The following SLC4A4 variants were observed in gnomAD, a reference collection of about 807,000 sequenced individuals.
SLC4A4 encodes solute carrier family 4 member 4.
Under a neutral mutation model 111.5 loss-of-function variants are expected in SLC4A4, and 27 were observed. The ratio of observed to expected loss-of-function variants is 0.24; its 90% CI spans 0.18 to 0.33. The LOEUF (loss-of-function observed/expected upper bound fraction) is 0.33. Among genes scored for constraint, SLC4A4 ranks in the 10% least tolerant of loss-of-function variants. SLC4A4 has a pLI of 1.00. For synonymous variants in SLC4A4, 443 were observed against 463.4 expected (o/e 0.96, Z 0.57); for missense variants, 909 against 1,315.5 (o/e 0.69, Z 4.78).
rs569920752 is a variant in SLC4A4 at position 71,365,487 on chromosome 4, G to C, written c.730+8300G>C. On this transcript the variant is annotated intron_variant, in intron 6 of 25. Transcript: ENST00000264485. Reference sequence around the variant, plus strand: ...AGGACAGGGAAAAGTAAGGAGAGAAGGGTAAGCAAGATAGAGACATAAAAT... The same window carrying C: ...AGGACAGGGAAAAGTAAGGAGAGAACGGTAAGCAAGATAGAGACATAAAAT... Among the ~76,000 whole-genome samples the C allele has an allele frequency of 7.2e-5, 11 of 152,284 alleles. No individual in the cohort carries two copies. In the South Asian group the frequency reaches 1.7e-3, roughly 23 times the overall value.
intron 1 of SLC4A4, among the ~76,000 whole-genome samples, chr4:71,194,566 G>GT (rs1745898364): frequency 6.6e-6 from 1 of 152,162 alleles, no homozygotes; most frequent in African/African-American, 2.4e-5. Context: ...AGAGCCAGCA[G>GT]TTTGAGATCA....
chr4:71,144,412 A>T (rs1744103816), intron 2 of SLC4A4, among the ~76,000 whole-genome samples: 3 of 152,090 alleles, frequency 2.0e-5, no homozygotes, highest in Admixed American at 1.3e-4. Flanking sequence ...TTGGCTTAGG[A>T]TTTACCTGGC....
At chr4:71,477,105 TG>T (rs1285847843) in intron 14 of SLC4A4, among the ~76,000 whole-genome samples, 5 of 151,772 alleles carry the variant, frequency 3.3e-5, no homozygotes, top group African/African-American at 4.8e-5. Flanking sequence ...GTAAATACTA[TG>T]TGCTTTAGAG....
At chr4:71,386,503 T>G (rs942330928) in intron 6 of SLC4A4, among the ~76,000 whole-genome samples, 3 of 152,102 alleles carry the variant, frequency 2.0e-5, no homozygotes, top group African/African-American at 7.2e-5. Flanking sequence ...TCTTATGTTT[T>G]CTGGCTCTTT....
intron 6 of SLC4A4, among the ~76,000 whole-genome samples, chr4:71,364,193 T>A (rs947139132): frequency 6.6e-6 from 1 of 152,218 alleles, no homozygotes; most frequent in Admixed American, 6.5e-5. Flanking sequence ...TTTAAAGACA[T>A]GGGACCATCA....
At chr4:71,418,263 T>C (rs1489746511) in intron 7 of SLC4A4, among the ~76,000 whole-genome samples, 1 of 152,194 alleles carries the variant, frequency 6.6e-6, no homozygotes, top group South Asian at 2.1e-4. Flanking sequence ...CGTGGTGAGA[T>C]ATATTTGGAA....
At chr4:71,350,151 T>TA in intron 5 of SLC4A4, 79 bp downstream of exon 5, 1 of 1,359,540 alleles carries the variant, frequency 7.4e-7, no homozygotes, top group Non-Finnish European at 1.1e-6. Context: ...AGATGACTAG[T>TA]ACTGTAAGCA....
intron 3 of SLC4A4, among the ~76,000 whole-genome samples, chr4:71,291,956 G>A (rs1724387270): frequency 6.6e-6 from 1 of 151,916 alleles, no homozygotes; most frequent in South Asian, 2.1e-4. Context: ...TTTTGATACA[G>A]GCATACAATG....
chr4:71,546,686 G>A (rs959204596), intron 19 of SLC4A4, among the ~76,000 whole-genome samples, 158 bp downstream of exon 19: 1 of 151,858 alleles, frequency 6.6e-6, no homozygotes, highest in African/African-American at 2.4e-5. Context: ...TTTCATCAGA[G>A]GTTTCAGTGA....
chr4:71,139,492 C>T (rs1207672469), intron 2 of SLC4A4, among the ~76,000 whole-genome samples: 2 of 152,106 alleles, frequency 1.3e-5, no homozygotes, highest in African/African-American at 4.8e-5. Context: ...AAGTAAGATG[C>T]TCATGTTGGA....
rs118116308 is a variant in SLC4A4, at chr4:71,383,543, T to G, written c.731-14034T>G. Among the ~76,000 whole-genome samples the G allele has an allele frequency of 2.6e-5, 4 of 152,304 alleles. 1 individual carries two copies. The East Asian group carries it at 7.7e-4, about 29-fold the overall frequency. On this transcript the variant is annotated intron_variant, in intron 6 of 25. Transcript: ENST00000264485. ...AACTCATTTTCTTAGACTAGAAAAT[T>G]ACAAATGGTGAGTATATGGGATCGC...
At chr4:71,234,311 A>G (rs1013074267) in intron 1 of SLC4A4, among the ~76,000 whole-genome samples, 1 of 152,258 alleles carries the variant, frequency 6.6e-6, no homozygotes, top group African/African-American at 2.4e-5. Context: ...TCTGAAGAGT[A>G]TGAGGAACAT....
At chr4:71,540,741 T>C (rs1734964112) in intron 18 of SLC4A4, among the ~76,000 whole-genome samples, 1 of 152,128 alleles carries the variant, frequency 6.6e-6, no homozygotes, top group Admixed American at 6.6e-5. Flanking sequence ...TTATTTGTTT[T>C]CATGTCTGCC....
rs1247817496 is a variant in SLC4A4, at chr4:71,255,080, T to A, written c.74-140T>A. On this transcript the variant is annotated intron_variant, in intron 2 of 25. Transcript: ENST00000264485. ...GCTAATTGAAAATTGGGAGGAAATT[T>A]TATTTTTCTAGAGTTTGCCAAATAT... is the stretch of plus-strand genomic sequence containing the variant. 5 of 871,590 alleles carry A rather than the reference T, an allele frequency of 5.7e-6. No homozygotes were observed. The African/African-American group carries it at 8.3e-5, about 15-fold the overall frequency. The allele number at this position is 871,590 out of a possible 1,614,324, so 54.0% of individuals were successfully genotyped here. A position where few individuals can be genotyped will look rare whatever the true frequency, so the allele number is the denominator to read the frequency against.
intron 7 of SLC4A4, among the ~76,000 whole-genome samples, chr4:71,414,157 T>C (rs1721634421): frequency 6.6e-6 from 1 of 152,238 alleles, no homozygotes; most frequent in African/African-American, 2.4e-5. Context: ...TTGTGTGTAA[T>C]TTCCAGGTGC....
chr4:71,534,446 A>T, intron 18 of SLC4A4, 58 bp downstream of exon 18: 1 of 1,538,170 alleles, frequency 6.5e-7, no homozygotes. Context: ...GTACTTGAAA[A>T]CACTAATTGA....
In SLC4A4 at chr4:71,497,605, A is replaced by C; in HGVS notation, c.2079A>C (p.Thr693=). 6.2e-7 allele frequency: 1 copy of C among 1,613,486 alleles called. No homozygotes were observed. The highest frequency in any genetic ancestry group is 1.1e-5 in the South Asian group (1 of 91,056). The change falls in exon 16 of 26, where the codon ACA becomes ACC. Residue 693 remains threonine (T), a synonymous_variant. Transcript: ENST00000264485. ...ACTGTAATTTTGTTCCTGATATCAC[A>C]CTCATGTCTTTTATCCTCTTCTTGG... ...GNNCNFVPDI[T]LMSFILFLGT...
At chr4:71,363,408 C>T (rs572489934) in intron 6 of SLC4A4, among the ~76,000 whole-genome samples, 5 of 152,270 alleles carry the variant, frequency 3.3e-5, no homozygotes, top group East Asian at 1.9e-4. Flanking sequence ...GTAGCTTTCT[C>T]GTTCCCTTTA....
At chr4:71,465,953 C>A (rs1234837564) in intron 12 of SLC4A4, among the ~76,000 whole-genome samples, 1 of 152,012 alleles carries the variant, frequency 6.6e-6, no homozygotes, top group Non-Finnish European at 1.5e-5. Context: ...CTTTGTGCCC[C>A]TCTCTATTTC....
Sources: gnomAD v4.1 joint callset for allele counts (sites outside exome capture counted in the v4.1 genomes callset) on GRCh38, gnomAD v4.1.1 for gene constraint, MANE v1.5 for transcripts, NCBI Gene and HGNC (gene_info 2026-07-23, HGNC 2026-07-21) for gene names.